The following MAST4 variants were observed in gnomAD, a reference collection of about 807,000 sequenced individuals.
MAST4 encodes the protein microtubule-associated serine/threonine-protein kinase 4.
MAST4 carries 89 observed loss-of-function variants against 162.7 expected under a neutral mutation model. The observed-to-expected ratio is 0.55, with a 90% CI of 0.46 to 0.65. The LOEUF (loss-of-function observed/expected upper bound fraction) is 0.65. MAST4 is among the 30% of genes least tolerant of loss of function. The pLI is 0.00. For synonymous variants in MAST4, 1,479 were observed against 1,361.1 expected, an observed-to-expected ratio of 1.09 and a Z score of -1.91; for missense variants, 3,153 against 3,374.0, an observed-to-expected ratio of 0.93 and a Z score of 1.62.
chr5:67,048,198 G>T (rs1757611024), intron 4 of MAST4, among the ~76,000 whole-genome samples: 1 of 152,008 alleles, frequency 6.6e-6, no homozygotes, highest in African/African-American at 2.4e-5. Context: ...CTTTAATGTT[G>T]CAAAGAGGAA....
intron 4 of MAST4, among the ~76,000 whole-genome samples, chr5:67,021,261 T>C (rs1015169592): frequency 2.6e-5 from 4 of 152,198 alleles, no homozygotes; most frequent in African/African-American, 9.7e-5. Context: ...CACCCTGATA[T>C]GTATCATGTC....
intron 3 of MAST4, among the ~76,000 whole-genome samples, chr5:66,849,714 C>T (rs532074623): frequency 3.0e-4 from 45 of 152,240 alleles, no homozygotes; most frequent in Non-Finnish European, 5.0e-4. Context: ...AATTGTCTTG[C>T]CCCCGTTACA....
intron 3 of MAST4, among the ~76,000 whole-genome samples, chr5:66,874,074 A>C (rs1218616531): frequency 6.6e-6 from 1 of 152,100 alleles, no homozygotes; most frequent in African/African-American, 2.4e-5. Flanking sequence ...GTTTTATTAG[A>C]CTAAGAGTAA....
At position 67,145,010 on chromosome 5, in the gene MAST4, A is replaced by G. The variant is rs949185362; in HGVS notation, c.2859-134A>G. On this transcript the variant is annotated intron_variant, in intron 22 of 28. Transcript: ENST00000403625. Reference sequence around the variant, plus strand: ...GATGTTGCTGCTGTGGGTACCACACATTAAGAACCATTGCACTAGACATCT... The same window carrying G: ...GATGTTGCTGCTGTGGGTACCACACGTTAAGAACCATTGCACTAGACATCT... The G allele has an allele frequency of 6.7e-6, 6 of 892,836 alleles. No homozygotes were observed. The African/African-American group carries it at 8.4e-5, about 13-fold the overall frequency. The allele number at this position is 892,836 out of a possible 1,614,324, so 55.3% of individuals were successfully genotyped here. A position where few individuals can be genotyped will look rare whatever the true frequency, so the allele number is the denominator to read the frequency against.
chr5:66,947,308 G>A (rs1744156950), intron 4 of MAST4, among the ~76,000 whole-genome samples: 1 of 152,036 alleles, frequency 6.6e-6, no homozygotes. Context: ...GACATGTCAA[G>A]GAACACTGAA....
At chr5:66,668,804 A>G (rs1421125373) in intron 1 of MAST4, among the ~76,000 whole-genome samples, 1 of 152,212 alleles carries the variant, frequency 6.6e-6, no homozygotes, top group African/African-American at 2.4e-5. Flanking sequence ...TAATATTCAG[A>G]GGTAGTAGGG....
intron 4 of MAST4, among the ~76,000 whole-genome samples, chr5:67,049,207 A>G (rs1021982511): frequency 2.6e-5 from 4 of 151,326 alleles, no homozygotes; most frequent in Admixed American, 6.6e-5. Flanking sequence ...TCTAGTTTCT[A>G]TATCTTTTTT....
chr5:67,099,512 C>G (rs186905036), intron 7 of MAST4, among the ~76,000 whole-genome samples: 66 of 152,144 alleles, frequency 4.3e-4, no homozygotes, highest in African/African-American at 1.5e-3. Context: ...AAAAAAAATG[C>G]TTACTAGAAC....
chr5:66,861,662 A>G (rs1464959242), intron 3 of MAST4, among the ~76,000 whole-genome samples: 7 of 152,252 alleles, frequency 4.6e-5, no homozygotes, highest in African/African-American at 1.7e-4. Flanking sequence ...TAAAGAGTAC[A>G]GAATGACATT....
rs1264015502 is a variant in MAST4, at chr5:67,049,075, A to G, written c.675-5329A>G. On this transcript the variant is annotated intron_variant, in intron 4 of 28. Coordinates refer to ENST00000403625, the MANE Select transcript of MAST4 (RefSeq NM_001164664.2). ...TATATATATACGTATATATATATAT[A>G]TATACACTACCATACCAAGAATGAA... Among the ~76,000 whole-genome samples, 5 of 143,608 alleles carry G rather than the reference A, an allele frequency of 3.5e-5. No homozygotes were observed. The East Asian group carries it at 9.9e-4, about 28-fold the overall frequency. 94.2% of individuals were successfully genotyped at this position (143,608 alleles called of 152,430 possible). A position where few individuals can be genotyped will look rare whatever the true frequency, so the allele number is the denominator to read the frequency against.
intron 7 of MAST4, 60 bp downstream of exon 7, chr5:67,095,735 G>A: frequency 2.3e-6 from 3 of 1,278,732 alleles, no homozygotes; most frequent in Non-Finnish European, 3.2e-6. Flanking sequence ...CTATTACACA[G>A]GCAGTGTTTT....
chr5:66,793,186 T>C (rs889908111), intron 3 of MAST4, among the ~76,000 whole-genome samples: 16 of 152,228 alleles, frequency 1.1e-4, no homozygotes, highest in African/African-American at 3.9e-4. Context: ...TTGGCTATGC[T>C]AAATATAGTT....
At chr5:67,069,671 C>T (rs555485015) in intron 5 of MAST4, among the ~76,000 whole-genome samples, 1 of 152,182 alleles carries the variant, frequency 6.6e-6, no homozygotes, top group South Asian at 2.1e-4. Context: ...TGGACCGTGC[C>T]TCCCAGGAAC....
intron 5 of MAST4, 128 bp from the exon 6 acceptor site, chr5:67,090,034 T>C: frequency 1.7e-6 from 1 of 574,002 alleles, no homozygotes; most frequent in African/African-American, 1.9e-5. Context: ...CAGGTAAAAC[T>C]AAAGCATTAT....
rs1004300232 is a variant in MAST4, at chr5:66,871,628, A to T, written c.643-28323A>T. ...AGTTATTAGCAGACAGGCACGAAGCATTCATGAAGCCTGTCCTGTAAACTC... is the reference window on the plus strand; with the variant it reads ...AGTTATTAGCAGACAGGCACGAAGCTTTCATGAAGCCTGTCCTGTAAACTC... On this transcript the variant is annotated intron_variant, in intron 3 of 28. Transcript: ENST00000403625. Among the ~76,000 whole-genome samples, 5 of 152,224 alleles carry T rather than the reference A, an allele frequency of 3.3e-5. No homozygotes were observed. The South Asian group carries it at 1.0e-3, about 32-fold the overall frequency.
chr5:66,746,286 C>T (rs948023077), intron 1 of MAST4, among the ~76,000 whole-genome samples: 1 of 152,170 alleles, frequency 6.6e-6, no homozygotes, highest in Non-Finnish European at 1.5e-5. Context: ...GTGGAGTCTT[C>T]TCAGACTGGG....
chr5:66,713,137 GT>G (rs1358547599), intron 1 of MAST4, among the ~76,000 whole-genome samples: 1 of 151,994 alleles, frequency 6.6e-6, no homozygotes, highest in African/African-American at 2.4e-5. Flanking sequence ...TTTGGTCTTT[GT>G]TTTTTTGTTT....
intron 3 of MAST4, among the ~76,000 whole-genome samples, chr5:66,836,202 T>C (rs1757958521): frequency 6.6e-6 from 1 of 152,110 alleles, no homozygotes; most frequent in Non-Finnish European, 1.5e-5. Context: ...TTGACAAGTA[T>C]TTAATGATAT....
At chr5:67,118,188 T>C (rs145752502) in intron 12 of MAST4, among the ~76,000 whole-genome samples, 190 of 152,310 alleles carry the variant, frequency 1.2e-3, no homozygotes, top group African/African-American at 4.4e-3. Context: ...CATTATTACT[T>C]CCTCTCTGAC....
Sources: gnomAD v4.1 joint callset for allele counts (sites outside exome capture counted in the v4.1 genomes callset) on GRCh38, gnomAD v4.1.1 for gene constraint, MANE v1.5 for transcripts, NCBI Gene and HGNC (gene_info 2026-07-23, HGNC 2026-07-21) for gene names.